Variants in DPP8 observed in about 807,000 individuals in gnomAD.
The protein encoded by DPP8 is dipeptidyl peptidase 8.
Under a neutral mutation model 107.5 loss-of-function variants are expected in DPP8, and 31 were observed. That is an observed-to-expected ratio of 0.29 (90% CI 0.22 to 0.39). The LOEUF is 0.39. DPP8 is among the 10% of genes least tolerant of loss of function. The probability of loss-of-function intolerance (pLI) is 1.00; values close to 1 mark genes in which losing one functional copy is unlikely to be tolerated. For missense variants in DPP8, 842 were observed against 1,076.1 expected, an observed-to-expected ratio of 0.78 and a Z score of 3.04; for synonymous variants, 381 against 356.6, an observed-to-expected ratio of 1.07 and a Z score of -0.77.
intron 2 of DPP8, among the ~76,000 whole-genome samples, chr15:65,508,960 C>T (rs1205507009): frequency 6.6e-6 from 1 of 152,130 alleles, no homozygotes; most frequent in African/African-American, 2.4e-5. Context: ...GATCCTCAAC[C>T]TATGTTTCTG....
rs1254112190 is a variant in DPP8, at chr15:65,475,542, A to G, written c.1457-1254T>C. ...AAGGCATTAAAACCAGCCCGGTGCA[A>G]TCCATCCCCAGGCACTGAATTAGGA... On this transcript the variant is annotated intron_variant, in intron 11 of 19. Coordinates refer to ENST00000300141, the MANE Select transcript of DPP8 (RefSeq NM_130434.5). The G allele has an allele frequency of 3.8e-6, 5 of 1,314,618 alleles. No individual in the cohort carries two copies. The East Asian group carries it at 9.9e-5, about 26-fold the overall frequency. The allele number at this position is 1,314,618 out of a possible 1,614,324, so 81.4% of individuals were successfully genotyped here.
intron 15 of DPP8, 103 bp downstream of exon 15, chr15:65,463,658 C>G: frequency 9.9e-7 from 1 of 1,007,756 alleles, no homozygotes; most frequent in East Asian, 2.8e-5. Context: ...AGCAAATGCC[C>G]AACAATGCTC....
intron 7 of DPP8, 44 bp downstream of exon 7, chr15:65,487,646 G>GA: frequency 6.4e-7 from 1 of 1,570,086 alleles, no homozygotes; most frequent in East Asian, 2.3e-5. Context: ...ATCTTATTTG[G>GA]AAAGAGGAAA....
chr15:65,446,736 C>A lies in DPP8; in HGVS notation c.*148G>T, dbSNP rs2063512859. ...TAGATTACTACCACAAACCGTAGAC[C>A]CCTGCATGGCACCACATTTATTTTC... On this transcript the variant is annotated 3_prime_UTR_variant, in exon 20 of 20. Coordinates refer to ENST00000300141, the MANE Select transcript of DPP8 (RefSeq NM_130434.5). 4.3e-6 allele frequency: 3 copies of A among 694,886 alleles called. No individual in the cohort carries two copies. Among genetic ancestry groups the A allele is most frequent in the Non-Finnish European group, 6.6e-6 (3 of 455,534 alleles). 43.0% of individuals were successfully genotyped at this position (694,886 alleles called of 1,614,324 possible). A position where few individuals can be genotyped will look rare whatever the true frequency, so the allele number is the denominator to read the frequency against.
Position 65,454,340 on chromosome 15 carries a change from G to T in DPP8, c.2194C>A (p.Arg732Ser). 1 of 1,604,330 alleles carries T rather than the reference G, an allele frequency of 6.2e-7. No homozygotes were observed. The highest frequency in any genetic ancestry group is 8.5e-7 in the Non-Finnish European group (1 of 1,176,692). Reference protein sequence around the residue: ...ASRYDFIDLDRVGIHGWSYGG... With the variant: ...ASRYDFIDLDSVGIHGWSYGG... ...TAGGACCAGCCGTGGATGCCCACAC[G>T]ATCTAAGTCAATGAAATCATATCGA... is the stretch of plus-strand genomic sequence containing the variant. The change falls in exon 17 of 20, where the codon CGT (arginine) becomes AGT (serine). Residue 732 changes from arginine to serine, a missense_variant. By Grantham distance (110) the Arg-to-Ser change is moderately radical (BLOSUM62 -1). This residue lies in a region of DPP8 where 179 missense variants were observed against 318.0 expected (regional missense o/e 0.56). Coordinates refer to ENST00000300141, the MANE Select transcript of DPP8 (RefSeq NM_130434.5).
chr15:65,488,768 A>T lies in DPP8; in HGVS notation c.827-950T>A, dbSNP rs553228210. On this transcript the variant is annotated intron_variant, in intron 6 of 19. Transcript: ENST00000300141. ...ACAATATAAGTACACTTCTAACTGGATCATGGTCAAAAAGTTTGAAGGCCA... is the reference window on the plus strand; with the variant it reads ...ACAATATAAGTACACTTCTAACTGGTTCATGGTCAAAAAGTTTGAAGGCCA... 3.9e-5 allele frequency among the ~76,000 whole-genome samples: 6 copies of T among 152,300 alleles called. No individual in the cohort carries two copies. In the South Asian group the frequency reaches 1.2e-3, roughly 32 times the overall value.
chr15:65,491,811 C>G (rs1008678657), intron 5 of DPP8, among the ~76,000 whole-genome samples: 6 of 152,284 alleles, frequency 3.9e-5, no homozygotes, highest in Middle Eastern at 3.4e-3. Context: ...CGGCTCACTG[C>G]AAGCTCCACC....
chr15:65,468,175 A>G (rs530269758), intron 12 of DPP8, among the ~76,000 whole-genome samples: 2 of 152,248 alleles, frequency 1.3e-5, no homozygotes, highest in South Asian at 4.1e-4. Context: ...GTTCCTATAA[A>G]TCTTCTACCA....
At chr15:65,466,953 A>G in intron 13 of DPP8, 118 bp downstream of exon 13, 1 of 1,446,326 alleles carries the variant, frequency 6.9e-7, no homozygotes, top group Non-Finnish European at 9.3e-7. Context: ...TAAGCTTTTT[A>G]AAGCTTTTCC....
chr15:65,463,639 G>A, intron 15 of DPP8, 122 bp downstream of exon 15: 4 of 755,878 alleles, frequency 5.3e-6, no homozygotes, highest in Non-Finnish European at 8.2e-6. Context: ...ATAAGACGGA[G>A]TCATTAAAAG....
chr15:65,500,469 T>C, intron 4 of DPP8, 137 bp downstream of exon 4: 1 of 677,628 alleles, frequency 1.5e-6, no homozygotes, highest in South Asian at 2.1e-5. Context: ...CCATGTTTCT[T>C]GTTTTCATTG....
At chr15:65,472,499 T>C (rs1440343596) in intron 12 of DPP8, among the ~76,000 whole-genome samples, 1 of 152,052 alleles carries the variant, frequency 6.6e-6, no homozygotes, top group African/African-American at 2.4e-5. Context: ...CAGGGTCTTA[T>C]ATGTTGCCCA....
chr15:65,497,755 T>G (rs1186302094), intron 5 of DPP8, 109 bp downstream of exon 5: 8 of 878,954 alleles, frequency 9.1e-6, no homozygotes, highest in Non-Finnish European at 9.7e-6. Context: ...GACTTGAATT[T>G]CAAATATAAA....
In DPP8 at chr15:65,451,113, G is replaced by A. The variant is rs968961474; in HGVS notation, c.2415-3C>T. The A allele has an allele frequency of 6.3e-7, 1 of 1,582,846 alleles. No individual in the cohort carries two copies. Among genetic ancestry groups the A allele is most frequent in the Middle Eastern group, 1.7e-4 (1 of 6,008 alleles). On this transcript the variant is annotated splice_region_variant and splice_polypyrimidine_tract_variant and intron_variant, in intron 18 of 19. Coordinates refer to ENST00000300141, the MANE Select transcript of DPP8 (RefSeq NM_130434.5). ...GTAAGAGCAGTAAACGATTTGGTCT[G>A]GAGAAATGGAAATATTAGAGGATTA...
At chr15:65,482,992 G>A (rs1432318491) in intron 8 of DPP8, among the ~76,000 whole-genome samples, 1 of 152,062 alleles carries the variant, frequency 6.6e-6, no homozygotes, top group Non-Finnish European at 1.5e-5. Context: ...AGCCACTCTG[G>A]AGGCCGAGGC....
In DPP8 at chr15:65,480,327, G is replaced by C. The variant is rs758379145; in HGVS notation, c.1191C>G (p.Ile397Met). ...TTTCCATAACATCATCTTCTACTGG[G>C]ATAAATAATTCAGGTGAGATCAACA... ...QIVLISPELF[I>M]PVEDDVMERQ... Residue 397 changes from isoleucine (I) to methionine (M), a missense_variant, in exon 10 of 20, where the codon ATC (isoleucine) becomes ATG (methionine). This residue lies in a region of DPP8 where 663 missense variants were observed against 758.0 expected (regional missense o/e 0.87). Coordinates refer to ENST00000300141, the MANE Select transcript of DPP8 (RefSeq NM_130434.5). The C allele has an allele frequency of 6.2e-7, 1 of 1,611,920 alleles. No individual in the cohort carries two copies. Among genetic ancestry groups the C allele is most frequent in the Admixed American group, 1.7e-5 (1 of 59,798 alleles).
chr15:65,480,107 A>G, intron 10 of DPP8, 115 bp downstream of exon 10: 1 of 834,992 alleles, frequency 1.2e-6, no homozygotes. Flanking sequence ...TACTAAAGAA[A>G]TAACATGGTC....
chr15:65,485,019 A>C, intron 8 of DPP8, 80 bp downstream of exon 8: 1 of 1,146,742 alleles, frequency 8.7e-7, no homozygotes, highest in Non-Finnish European at 1.3e-6. Flanking sequence ...CCAAAAATAA[A>C]AAAGTGTATC....
At position 65,487,724 on chromosome 15, in the gene DPP8, T is replaced by C. The variant is rs1308871854; in HGVS notation, c.921A>G (p.Thr307=). The part of the protein sequence containing the change: ...IIHVTSPMLE[T]RRADSFRYPK... ...GATAACGGAATGAATCTGCCCTCCT[T>C]GTTTCCAACATAGGGGATGTAACAT... The change falls in exon 7 of 20, where the codon ACA becomes ACG. Residue 307 remains threonine (T), a synonymous_variant. Transcript: ENST00000300141. The C allele has an allele frequency of 3.7e-6, 6 of 1,610,212 alleles. No homozygotes were observed. Among genetic ancestry groups the C allele is most frequent in the Non-Finnish European group, 4.2e-6 (5 of 1,177,706 alleles).
Sources: allele counts gnomAD v4.1 joint callset (sites outside exome capture counted in the v4.1 genomes callset), GRCh38; gene constraint gnomAD v4.1.1; regional missense constraint gnomAD v4.1.1; transcripts MANE v1.5; gene names NCBI Gene and HGNC (gene_info 2026-07-23, HGNC 2026-07-21).